Variants in KAT8 observed in about 807,000 individuals in gnomAD.
KAT8 encodes the protein lysine acetyltransferase 8, also known as histone acetyltransferase KAT8.
A neutral mutation model predicts 62.9 loss-of-function variants in KAT8; 40 were observed. The observed-to-expected ratio is 0.64, with a 90% CI of 0.49 to 0.83. The LOEUF (loss-of-function observed/expected upper bound fraction) is 0.83, where lower values mean the gene tolerates loss of function less well. Ranked by LOEUF, KAT8 falls within the 40% of genes least tolerant of loss-of-function variation. KAT8 has a pLI of 0.00. For synonymous variants in KAT8, 278 were observed against 254.5 expected, an observed-to-expected ratio of 1.09 and a Z score of -0.88; for missense variants, 387 against 614.8, an observed-to-expected ratio of 0.63 and a Z score of 3.92.
At chr16:31,129,342 G>T (rs2057555206) in intron 6 of KAT8, among the ~76,000 whole-genome samples, 1 of 152,194 alleles carries the variant, frequency 6.6e-6, no homozygotes, top group Non-Finnish European at 1.5e-5. Flanking sequence ...CGCTGGAGAT[G>T]TGGGGGTGCT....
intron 3 of KAT8, chr16:31,120,872 C>G (rs1037855734): frequency 4.5e-6 from 1 of 220,888 alleles, no homozygotes; most frequent in Non-Finnish European, 9.2e-6. Flanking sequence ...GCCAAGCACC[C>G]TGCCAAGTGC....
In KAT8 at chr16:31,131,212, A is replaced by G. The variant is rs1291615619; in HGVS notation, c.1330A>G (p.Lys444Glu). Residue 444 changes from lysine to glutamate, a missense_variant, in exon 11 of 11, where the codon AAG becomes GAG. Lys to Glu is a moderately conservative substitution (Grantham distance 56). Around this residue, in one of 6 missense-constraint regions of KAT8, gnomAD observed 75 missense variants for 105.7 expected, o/e 0.71. Transcript: ENST00000219797. Reference protein sequence around the residue: ...PPITVDSVCLKWAPPKHKQVK... With the variant: ...PPITVDSVCLEWAPPKHKQVK... ...CCCCACAGTGGACTCCGTCTGCCTC[A>G]AGTGGGCACCCCCCAAGCACAAGCA... The G allele has an allele frequency of 6.2e-7, 1 of 1,614,052 alleles. No homozygotes were observed. The highest frequency in any genetic ancestry group is 8.5e-7 in the Non-Finnish European group (1 of 1,179,946).
Position 31,117,842 on chromosome 16 carries a change from C to T in KAT8, c.161C>T (p.Thr54Met). The change falls in exon 1 of 11, where the codon ACG (threonine) becomes ATG (methionine). Residue 54 changes from threonine (T) to methionine (M), a missense_variant. Thr to Met is a moderately conservative substitution (Grantham distance 81, BLOSUM62 -1). Coordinates refer to ENST00000219797, the MANE Select transcript of KAT8 (RefSeq NM_032188.3). The stretch of plus-strand genomic sequence containing the variant: ...CCGGCGCGCGGCGAGCCGGAAGTCA[C>T]GGTGGAGATCGGAGAAACGTACCTG... ...PTPARGEPEVTVEIGETYLCR... is the reference protein window; with the variant it reads ...PTPARGEPEVMVEIGETYLCR... 2 of 1,430,352 alleles carry T rather than the reference C, an allele frequency of 1.4e-6. No homozygotes were observed. The highest frequency in any genetic ancestry group is 1.8e-6 in the Non-Finnish European group (2 of 1,081,490). 88.6% of individuals were successfully genotyped at this position (1,430,352 alleles called of 1,614,324 possible). A position where few individuals can be genotyped will look rare whatever the true frequency, so the allele number is the denominator to read the frequency against.
intron 6 of KAT8, among the ~76,000 whole-genome samples, chr16:31,129,677 G>A (rs966619192): frequency 2.6e-5 from 4 of 152,266 alleles, no homozygotes; most frequent in South Asian, 2.1e-4. Flanking sequence ...TGAACAGGAC[G>A]GTCTAAATTC....
intron 8 of KAT8, 46 bp downstream of exon 8, chr16:31,130,406 G>C: frequency 3.1e-6 from 5 of 1,614,122 alleles, no homozygotes; most frequent in Non-Finnish European, 4.2e-6. Flanking sequence ...CTGTGGGGCA[G>C]GGGTGCCAGG....
At chr16:31,127,934 G>A (rs2057545213) in intron 5 of KAT8, 116 bp from the exon 6 acceptor site, 3 of 730,130 alleles carry the variant, frequency 4.1e-6, no homozygotes, top group Admixed American at 4.1e-5. Context: ...TGTAGGTGAA[G>A]TGTTGAGGGG....
intron 10 of KAT8, 105 bp downstream of exon 10, chr16:31,131,005 C>T: frequency 3.9e-6 from 6 of 1,522,206 alleles, no homozygotes; most frequent in Non-Finnish European, 5.3e-6. Flanking sequence ...CCAAACCAGT[C>T]AGACCAGCTC....
chr16:31,120,049 T>G, intron 1 of KAT8, 137 bp from the exon 2 acceptor site: 1 of 698,558 alleles, frequency 1.4e-6, no homozygotes, highest in Non-Finnish European at 2.6e-6. Flanking sequence ...GTGGCAGTGA[T>G]TGAGTAGAAT....
intron 3 of KAT8, among the ~76,000 whole-genome samples, chr16:31,124,576 AC>A (rs2143977926): frequency 6.6e-6 from 1 of 152,240 alleles, no homozygotes; most frequent in Non-Finnish European, 1.5e-5. Flanking sequence ...TACTAAAGAT[AC>A]AAAAAATTAG....
chr16:31,122,763 C>T (rs1390886755), intron 3 of KAT8, among the ~76,000 whole-genome samples: 1 of 151,792 alleles, frequency 6.6e-6, no homozygotes, highest in Non-Finnish European at 1.5e-5. Flanking sequence ...CACCTGTAGT[C>T]CCAGCTACTC....
At chr16:31,130,932 G>A in intron 10 of KAT8, 32 bp downstream of exon 10, 3 of 1,594,154 alleles carry the variant, frequency 1.9e-6, no homozygotes, top group Non-Finnish European at 1.7e-6. Flanking sequence ...GTCGGGGGCG[G>A]TGGGGGAGTG....
chr16:31,119,069 A>G (rs1290763874), intron 1 of KAT8, among the ~76,000 whole-genome samples: 1 of 152,010 alleles, frequency 6.6e-6, no homozygotes, highest in African/African-American at 2.4e-5. Flanking sequence ...TTCACAGATG[A>G]AGAGACTGAG....
chr16:31,128,243 C>A, intron 6 of KAT8, 104 bp downstream of exon 6: 2 of 875,304 alleles, frequency 2.3e-6, no homozygotes, highest in Non-Finnish European at 3.7e-6. Context: ...AGCTGAGCCT[C>A]TATGGGCAGA....
At position 31,130,306 on chromosome 16, in the gene KAT8, C is replaced by T. The variant is rs1165036328; in HGVS notation, c.952C>T (p.Leu318=). 2 of 1,614,106 alleles carry T rather than the reference C, an allele frequency of 1.2e-6. No homozygotes were observed. The highest frequency in any genetic ancestry group is 1.3e-5 in the African/African-American group (1 of 74,940). ...SPDGNNVACI[L]TLPPYQRRGY... ...GGATGGAAACAATGTGGCCTGCATC[C>T]TGACCTTGCCCCCCTACCAACGCCG... The change falls in exon 8 of 11, where the codon CTG becomes TTG. Residue 318 remains leucine (L), a synonymous_variant. Transcript: ENST00000219797.
At chr16:31,128,260 C>G in intron 6 of KAT8, 121 bp downstream of exon 6, 1 of 762,126 alleles carries the variant, frequency 1.3e-6, no homozygotes, top group Admixed American at 2.2e-5. Context: ...CAGAATGCCT[C>G]TGAGGGGCCG....
At chr16:31,120,706 G>A (rs934443603) in intron 3 of KAT8, 192 bp downstream of exon 3, 4 of 556,242 alleles carry the variant, frequency 7.2e-6, no homozygotes, top group Middle Eastern at 4.7e-4. Flanking sequence ...TAAGGGCTTC[G>A]CTGCAGTCTC....
intron 1 of KAT8, 45 bp downstream of exon 1, chr16:31,117,937 C>T: frequency 8.2e-7 from 1 of 1,213,722 alleles, no homozygotes. Flanking sequence ...AGCTCAGGGC[C>T]AGGGGGTGGG....
Position 31,127,456 on chromosome 16 carries a change from C to T in KAT8, c.681+103C>T, listed in dbSNP as rs117396776. The T allele has an allele frequency of 2.3e-4, 286 of 1,247,058 alleles. No individual in the cohort carries two copies. In the African/African-American group the frequency reaches 3.9e-3, roughly 17 times the overall value. The allele number at this position is 1,247,058 out of a possible 1,614,324, so 77.2% of individuals were successfully genotyped here. On this transcript the variant is annotated intron_variant, in intron 5 of 10. Transcript: ENST00000219797. The stretch of plus-strand genomic sequence containing the variant: ...TGCGCCGGCAGCTCCAGGGAGGAGA[C>T]AGGCCCAAAGGAGCGAGTACAGGGA...
In KAT8 at chr16:31,130,597, A is replaced by G. The variant is rs905769605; in HGVS notation, c.1148A>G (p.Lys383Arg). Residue 383 changes from lysine (K) to arginine (R), a missense_variant, in exon 9 of 11, where the codon AAG becomes AGG. Lys to Arg is a conservative substitution (Grantham distance 26, BLOSUM62 2). Coordinates refer to ENST00000219797, the MANE Select transcript of KAT8 (RefSeq NM_032188.3). ...GACTTCCGGGGCACACTGTCCATCA[A>G]GGACCTCAGGTGAGGGGGCCTCCCG... ...LRDFRGTLSI[K>R]DLSQMTSITQ... The G allele has an allele frequency of 8.7e-6, 14 of 1,614,054 alleles. No homozygotes were observed. The highest frequency in any genetic ancestry group is 4.5e-5 in the East Asian group (2 of 44,898).
Sources: gnomAD v4.1 joint callset for allele counts (sites outside exome capture counted in the v4.1 genomes callset) on GRCh38, gnomAD v4.1.1 for gene constraint, gnomAD v4.1.1 regional missense constraint, MANE v1.5 for transcripts, NCBI Gene and HGNC (gene_info 2026-07-23, HGNC 2026-07-21) for gene names.